Variants in ARPP21 observed in about 807,000 individuals in gnomAD.
ARPP21 encodes the protein cAMP-regulated phosphoprotein 21.
ARPP21 carries 69 observed loss-of-function variants against 113.2 expected under a neutral mutation model. The observed-to-expected ratio is 0.61, with a 90% CI of 0.50 to 0.74. The LOEUF is 0.74. Among genes scored for constraint, ARPP21 ranks in the 30% least tolerant of loss-of-function variants. The pLI is 0.00. For missense variants in ARPP21, 1,070 were observed against 1,037.4 expected, an observed-to-expected ratio of 1.03 and a Z score of -0.43; for synonymous variants, 368 against 375.5, an observed-to-expected ratio of 0.98 and a Z score of 0.23.
Position 35,689,371 on chromosome 3 carries a change from A to G in ARPP21, c.471A>G (p.Leu157=), listed in dbSNP as rs754876019. ...TACACGAGTTTCTGATTAACACATTAAAGAATAATTCCAGGTAAATTATTA... is the reference window on the plus strand; with the variant it reads ...TACACGAGTTTCTGATTAACACATTGAAGAATAATTCCAGGTAAATTATTA... ...IDLHEFLINT[L]KNNSRDRMIL... The change falls in exon 7 of 21, where the codon TTA becomes TTG. Residue 157 remains leucine (L), a synonymous_variant. Transcript: ENST00000684406. The G allele has an allele frequency of 6.5e-7, 1 of 1,532,686 alleles. No individual in the cohort carries two copies. The highest frequency in any genetic ancestry group is 9.0e-7 in the Non-Finnish European group (1 of 1,106,840). The allele number at this position is 1,532,686 out of a possible 1,614,324, so 94.9% of individuals were successfully genotyped here.
intron 11 of ARPP21, among the ~76,000 whole-genome samples, chr3:35,714,764 G>A (rs1465330475): frequency 1.3e-5 from 2 of 152,034 alleles, no homozygotes; most frequent in Admixed American, 1.3e-4. Flanking sequence ...ATGAATGCTC[G>A]GTGAATAGAA....
At chr3:35,661,610 T>A (rs2149155167) in intron 1 of ARPP21, among the ~76,000 whole-genome samples, 1 of 152,360 alleles carries the variant, frequency 6.6e-6, no homozygotes. Flanking sequence ...AAATTTCTTA[T>A]GACCGGCTAT....
chr3:35,642,479 T>G (rs984398630), intron 1 of ARPP21: 10 of 152,116 alleles, frequency 6.6e-5, no homozygotes, highest in African/African-American at 2.4e-4. Flanking sequence ...AAATATGGAT[T>G]TTTGTTAGAG....
chr3:35,716,743 C>T (rs1002335044), intron 12 of ARPP21, among the ~76,000 whole-genome samples: 8 of 151,926 alleles, frequency 5.3e-5, no homozygotes, highest in African/African-American at 1.9e-4. Flanking sequence ...CCCTATCTTC[C>T]TCCCTAATCT....
rs1559547262 is a variant in ARPP21 at position 35,667,841 on chromosome 3, A to AAGAAGAAGAAG, written c.-212-11945_-212-11944insGAAGAAGAAGA. Among the ~76,000 whole-genome samples, 75 of 81,538 alleles carry AAGAAGAAGAAG rather than the reference A, an allele frequency of 9.2e-4. 3 individuals carry two copies. The highest frequency in any genetic ancestry group is 3.3e-3 in the African/African-American group (55 of 16,780). 53.5% of individuals were successfully genotyped at this position (81,538 alleles called of 152,430 possible). ...GATCACCTGCAGTACTTTTATTCTC[A>AAGAAGAAGAAG]AAGAAGAAGAAGAAGAAGAAGAAGA... is the stretch of plus-strand genomic sequence containing the variant. On this transcript the variant is annotated intron_variant, in intron 1 of 20. Transcript: ENST00000684406.
chr3:35,778,433 G>A (rs559287014), intron 19 of ARPP21, among the ~76,000 whole-genome samples: 1 of 151,880 alleles, frequency 6.6e-6, no homozygotes, highest in Non-Finnish European at 1.5e-5. Context: ...AGTCCTCACC[G>A]TTCCCTTTTC....
Position 35,791,912 on chromosome 3 carries a change from T to C in ARPP21, c.2138-470T>C, listed in dbSNP as rs1237870960. ...AAAAATAGAATTTATCCAAAGTTAATGGGCTGTTTGGTGGTCTCTATGTGT... is the reference window on the plus strand; with the variant it reads ...AAAAATAGAATTTATCCAAAGTTAACGGGCTGTTTGGTGGTCTCTATGTGT... On this transcript the variant is annotated intron_variant, in intron 19 of 20. Coordinates refer to ENST00000684406, the MANE Select transcript of ARPP21 (RefSeq NM_001385562.1). 3.3e-5 allele frequency among the ~76,000 whole-genome samples: 5 copies of C among 152,206 alleles called. No individual in the cohort carries two copies. The East Asian group carries it at 9.6e-4, about 29-fold the overall frequency.
intron 19 of ARPP21, among the ~76,000 whole-genome samples, chr3:35,748,174 GAAAA>G (rs1346426277): frequency 1.8e-5 from 1 of 54,956 alleles, no homozygotes; most frequent in Non-Finnish European, 3.2e-5. Context: ...GAACAGAAAA[GAAAA>G]GAAAGAAAGA....
intron 19 of ARPP21, among the ~76,000 whole-genome samples, chr3:35,756,012 A>G (rs1474967431): frequency 3.3e-5 from 5 of 152,094 alleles, no homozygotes; most frequent in Admixed American, 2.0e-4. Flanking sequence ...GTCTTTAGAC[A>G]TGACTGCTTA....
chr3:35,646,887 G>T (rs1443845816), intron 1 of ARPP21, among the ~76,000 whole-genome samples: 1 of 152,136 alleles, frequency 6.6e-6, no homozygotes, highest in Non-Finnish European at 1.5e-5. Context: ...TCACAGCAAA[G>T]AACTAGCTGG....
Position 35,677,044 on chromosome 3 carries a change from G to C in ARPP21, c.-212-2743G>C, listed in dbSNP as rs540523647. Among the ~76,000 whole-genome samples the C allele has an allele frequency of 3.3e-5, 5 of 151,926 alleles. No individual in the cohort carries two copies. The East Asian group carries it at 7.8e-4, about 24-fold the overall frequency. On this transcript the variant is annotated intron_variant, in intron 1 of 20. Coordinates refer to ENST00000684406, the MANE Select transcript of ARPP21 (RefSeq NM_001385562.1). Reference sequence around the variant, plus strand: ...CAATTTCAATAAGTAAATCTTGACTGTGTTGTTTCATCATAAAGTACCCAT... The same window carrying C: ...CAATTTCAATAAGTAAATCTTGACTCTGTTGTTTCATCATAAAGTACCCAT...
intron 1 of ARPP21, among the ~76,000 whole-genome samples, chr3:35,655,888 T>A (rs1283173175): frequency 2.0e-5 from 3 of 152,030 alleles, no homozygotes; most frequent in Admixed American, 6.6e-5. Flanking sequence ...GGGGCCCAAG[T>A]ATATGCATTT....
intron 9 of ARPP21, among the ~76,000 whole-genome samples, chr3:35,695,465 G>A (rs2083623572): frequency 6.6e-6 from 1 of 151,484 alleles, no homozygotes; most frequent in African/African-American, 2.4e-5. Flanking sequence ...TATAGTGGGG[G>A]AATAACTTCA....
chr3:35,698,136 A>T (rs1015585485), intron 9 of ARPP21, among the ~76,000 whole-genome samples: 2 of 151,730 alleles, frequency 1.3e-5, no homozygotes, highest in African/African-American at 4.8e-5. Flanking sequence ...ACTGAGCAAG[A>T]CACTTCGTTT....
chr3:35,673,704 A>G (rs957732984), intron 1 of ARPP21, among the ~76,000 whole-genome samples: 3 of 151,990 alleles, frequency 2.0e-5, no homozygotes, highest in Admixed American at 1.3e-4. Context: ...TTTTACCTAA[A>G]TGTCTCTTCC....
At chr3:35,650,992 A>G (rs1218408631) in intron 1 of ARPP21, among the ~76,000 whole-genome samples, 2 of 152,238 alleles carry the variant, frequency 1.3e-5, no homozygotes, top group South Asian at 2.1e-4. Context: ...GTGAGATTCC[A>G]CATTTGTGTG....
chr3:35,787,522 ACCT>A (rs2096658154), intron 19 of ARPP21, among the ~76,000 whole-genome samples: 1 of 152,090 alleles, frequency 6.6e-6, no homozygotes, highest in African/African-American at 2.4e-5. Flanking sequence ...CCTCACCCAT[ACCT>A]CACCCCTCAA....
intron 9 of ARPP21, among the ~76,000 whole-genome samples, chr3:35,692,561 C>T (rs2082554437): frequency 6.6e-6 from 1 of 151,586 alleles, no homozygotes; most frequent in Non-Finnish European, 1.5e-5. Flanking sequence ...AAATGTGATA[C>T]AGTTTCAACT....
intron 1 of ARPP21, among the ~76,000 whole-genome samples, chr3:35,669,615 A>T (rs1331151935): frequency 6.6e-6 from 1 of 152,170 alleles, no homozygotes; most frequent in African/African-American, 2.4e-5. Flanking sequence ...TTGTCATAGG[A>T]ATGCCACATC....
Sources: gnomAD v4.1 joint callset for allele counts (sites outside exome capture counted in the v4.1 genomes callset) on GRCh38, gnomAD v4.1.1 for gene constraint, MANE v1.5 for transcripts, NCBI Gene and HGNC (gene_info 2026-07-23, HGNC 2026-07-21) for gene names.